DNAJC1: variants seen among roughly 807,000 people sequenced by gnomAD.
DNAJC1 encodes DnaJ heat shock protein family (Hsp40) member C1, also known as dnaJ homolog subfamily C member 1.
DNAJC1 carries 58 observed loss-of-function variants against 76.6 expected under a neutral mutation model. The observed-to-expected ratio is 0.76, with a 90% CI of 0.61 to 0.94. The LOEUF is 0.94. Among genes scored for constraint, DNAJC1 ranks in the 40% least tolerant of loss-of-function variants. DNAJC1 has a pLI of 0.00. For missense variants in DNAJC1, 689 were observed against 677.3 expected (o/e 1.02, Z -0.19); for synonymous variants, 258 against 267.9 (o/e 0.96, Z 0.36).
At chr10:21,816,845 G>A (rs1273216595) in intron 8 of DNAJC1, among the ~76,000 whole-genome samples, 1 of 135,038 alleles carries the variant, frequency 7.4e-6, no homozygotes, top group African/African-American at 2.7e-5. Context: ...ACGCCCGGCC[G>A]AGACTCTGTC....
intron 1 of DNAJC1, among the ~76,000 whole-genome samples, chr10:21,991,862 T>C (rs1468213921): frequency 6.6e-6 from 1 of 152,264 alleles, no homozygotes; most frequent in Non-Finnish European, 1.5e-5. Context: ...TACGTGAATG[T>C]ACCTGTTAGC....
chr10:21,814,251 T>C (rs187199113), intron 8 of DNAJC1, among the ~76,000 whole-genome samples: 2 of 152,264 alleles, frequency 1.3e-5, no homozygotes, highest in East Asian at 1.9e-4. Context: ...TACCAGGAAA[T>C]AGGTTCAAAC....
At chr10:21,867,435 T>C (rs913445032) in intron 8 of DNAJC1, among the ~76,000 whole-genome samples, 2 of 152,100 alleles carry the variant, frequency 1.3e-5, no homozygotes, top group African/African-American at 4.8e-5. Flanking sequence ...CTCTCAGTCA[T>C]ACTAGTCAAA....
chr10:22,000,567 G>C (rs1462631170), intron 1 of DNAJC1, among the ~76,000 whole-genome samples: 3 of 152,206 alleles, frequency 2.0e-5, no homozygotes, highest in African/African-American at 7.2e-5. Context: ...TGGCCTTTGT[G>C]CTTACTGTCT....
chr10:21,840,862 G>T (rs1365637390), intron 8 of DNAJC1, among the ~76,000 whole-genome samples: 2 of 152,112 alleles, frequency 1.3e-5, no homozygotes, highest in Middle Eastern at 3.2e-3. Flanking sequence ...ATACTACAAG[G>T]TTACAGTAAC....
At chr10:21,903,804 C>A (rs1836699292) in intron 7 of DNAJC1, among the ~76,000 whole-genome samples, 2 of 152,018 alleles carry the variant, frequency 1.3e-5, no homozygotes, top group Admixed American at 1.3e-4. Context: ...AGCTTACATT[C>A]TACTGGGGGT....
chr10:21,947,174 A>C (rs182450543), intron 1 of DNAJC1, among the ~76,000 whole-genome samples: 1 of 152,356 alleles, frequency 6.6e-6, no homozygotes, highest in East Asian at 1.9e-4. Context: ...TGTCATGTGC[A>C]AAATGTCCTG....
In DNAJC1 at chr10:21,765,488, T is replaced by G. The variant is rs184809567; in HGVS notation, c.1147+773A>C. Among the ~76,000 whole-genome samples the G allele has an allele frequency of 2.6e-5, 4 of 152,316 alleles. No individual in the cohort carries two copies. The East Asian group carries it at 7.7e-4, about 29-fold the overall frequency. ...CTGAAGCATGTTCTTATTTCCTGGT[T>G]CTAAGCAAAGAATATGGAGACTCTA... is the stretch of plus-strand genomic sequence containing the variant. On this transcript the variant is annotated intron_variant, in intron 10 of 11. Coordinates refer to ENST00000376980, the MANE Select transcript of DNAJC1 (RefSeq NM_022365.4).
At chr10:21,962,886 A>C (rs746312171) in intron 1 of DNAJC1, among the ~76,000 whole-genome samples, 9 of 152,070 alleles carry the variant, frequency 5.9e-5, no homozygotes, top group Non-Finnish European at 1.2e-4. Context: ...TCTAATTTCT[A>C]ATGTAATTTT....
intron 8 of DNAJC1, among the ~76,000 whole-genome samples, chr10:21,818,625 C>T (rs887975096): frequency 1.3e-4 from 20 of 152,240 alleles, no homozygotes; most frequent in African/African-American, 3.4e-4. Context: ...CCCTGGACAC[C>T]CAGCTTTACA....
intron 9 of DNAJC1, 43 bp from the exon 10 acceptor site, chr10:21,766,352 C>T (rs780951256): frequency 1.7e-5 from 25 of 1,450,720 alleles, no homozygotes; most frequent in Non-Finnish European, 2.3e-5. Context: ...TTCCATGTAC[C>T]TACTATATGC....
chr10:21,930,066 C>T (rs1410602123), intron 1 of DNAJC1, among the ~76,000 whole-genome samples: 1 of 152,200 alleles, frequency 6.6e-6, no homozygotes, highest in African/African-American at 2.4e-5. Flanking sequence ...ACCTCCACCT[C>T]CTGGGTCCAA....
intron 9 of DNAJC1, among the ~76,000 whole-genome samples, chr10:21,789,631 T>C (rs1374751582): frequency 6.6e-6 from 1 of 151,922 alleles, no homozygotes; most frequent in Non-Finnish European, 1.5e-5. Flanking sequence ...AAAAAAATCA[T>C]GATATAAATT....
At chr10:21,825,225 G>T (rs1405623955) in intron 8 of DNAJC1, among the ~76,000 whole-genome samples, 1 of 151,840 alleles carries the variant, frequency 6.6e-6, no homozygotes, top group African/African-American at 2.4e-5. Context: ...ATAACCCCCT[G>T]TCTCTAGTCT....
intron 9 of DNAJC1, among the ~76,000 whole-genome samples, chr10:21,788,325 G>C (rs1332450395): frequency 6.6e-6 from 1 of 152,178 alleles, no homozygotes; most frequent in Non-Finnish European, 1.5e-5. Flanking sequence ...CTTTAGGCCA[G>C]AGCTATAGCA....
At chr10:21,839,655 C>T (rs1481166837) in intron 8 of DNAJC1, among the ~76,000 whole-genome samples, 3 of 152,116 alleles carry the variant, frequency 2.0e-5, no homozygotes, top group South Asian at 2.1e-4. Context: ...GATTCACAGC[C>T]GAATTCTACC....
At chr10:21,989,881 G>C (rs1231923010) in intron 1 of DNAJC1, among the ~76,000 whole-genome samples, 2 of 152,138 alleles carry the variant, frequency 1.3e-5, no homozygotes, top group East Asian at 3.8e-4. Context: ...AGAGAGAGGA[G>C]AGAGAAACTC....
chr10:21,879,804 G>T (rs1420878415), intron 8 of DNAJC1, among the ~76,000 whole-genome samples: 1 of 152,158 alleles, frequency 6.6e-6, no homozygotes, highest in Non-Finnish European at 1.5e-5. Flanking sequence ...TCTATTGGTA[G>T]AGGGTCTTGC....
intron 8 of DNAJC1, among the ~76,000 whole-genome samples, chr10:21,880,950 G>C (rs981739831): frequency 6.6e-6 from 1 of 152,202 alleles, no homozygotes; most frequent in African/African-American, 2.4e-5. Flanking sequence ...AAAATCTACT[G>C]GTTGGTGTAG....
Sources: gnomAD v4.1 joint callset for allele counts (sites outside exome capture counted in the v4.1 genomes callset) on GRCh38, gnomAD v4.1.1 for gene constraint, MANE v1.5 for transcripts, NCBI Gene and HGNC (gene_info 2026-07-23, HGNC 2026-07-21) for gene names.